TPO: variants seen among roughly 807,000 people sequenced by gnomAD.
TPO encodes thyroid peroxidase.
TPO carries 78 observed loss-of-function variants against 96.9 expected under a neutral mutation model. The ratio of observed to expected loss-of-function variants is 0.81; its 90% CI spans 0.67 to 0.97. The LOEUF is 0.97. Ranked by LOEUF, TPO falls within the 50% of genes least tolerant of loss-of-function variation. The pLI is 0.00. For synonymous variants in TPO, 547 were observed against 538.0 expected, an observed-to-expected ratio of 1.02 and a Z score of -0.23; for missense variants, 1,252 against 1,274.8, an observed-to-expected ratio of 0.98 and a Z score of 0.27.
At chr2:1,471,938 G>C (rs1669460646) in intron 7 of TPO, among the ~76,000 whole-genome samples, 1 of 149,632 alleles carries the variant, frequency 6.7e-6, no homozygotes, top group African/African-American at 2.5e-5. Context: ...CCCATGATCT[G>C]AAAGTTCATA....
intron 5 of TPO, among the ~76,000 whole-genome samples, chr2:1,439,699 A>T (rs765490654): frequency 2.0e-5 from 3 of 148,314 alleles, no homozygotes; most frequent in South Asian, 2.2e-4. Flanking sequence ...CTGCCCAGAG[A>T]CTCCCCCTCT....
intron 1 of TPO, among the ~76,000 whole-genome samples, chr2:1,377,253 C>T (rs554863476): frequency 6.6e-6 from 1 of 152,310 alleles, no homozygotes; most frequent in East Asian, 1.9e-4. Flanking sequence ...TTCAGCTTGA[C>T]TTACACAGAA....
intron 1 of TPO, among the ~76,000 whole-genome samples, chr2:1,396,445 G>T (rs749833559): frequency 3.3e-5 from 5 of 152,186 alleles, no homozygotes; most frequent in Non-Finnish European, 7.3e-5. Flanking sequence ...AGCTGAGAGG[G>T]TCTCCGTGCA....
At chr2:1,484,939 G>A (rs1670992803) in intron 9 of TPO, 85 bp downstream of exon 9, 13 of 1,573,874 alleles carry the variant, frequency 8.3e-6, no homozygotes, top group Non-Finnish European at 9.5e-6. Context: ...TAAGTTCTAG[G>A]GTACATGTGC....
At chr2:1,523,328 C>T (rs1283347793) in intron 15 of TPO, among the ~76,000 whole-genome samples, 1 of 110,916 alleles carries the variant, frequency 9.0e-6, no homozygotes, top group Non-Finnish European at 1.8e-5. Flanking sequence ...CCCCAAATCC[C>T]CCCACTGTGT....
intron 8 of TPO, among the ~76,000 whole-genome samples, chr2:1,480,824 C>CCCTCCT (rs1280314541): frequency 9.7e-5 from 13 of 133,638 alleles, no homozygotes; most frequent in Admixed American, 2.3e-4. Flanking sequence ...CACACCACGT[C>CCCTCCT]CCTGCTGCTG....
At chr2:1,453,457 TG>T (rs998515331) in intron 5 of TPO, among the ~76,000 whole-genome samples, 1 of 152,006 alleles carries the variant, frequency 6.6e-6, no homozygotes, top group Non-Finnish European at 1.5e-5. Context: ...CCAGACAGCA[TG>T]TGCTGAGCTC....
intron 15 of TPO, among the ~76,000 whole-genome samples, chr2:1,537,064 GCCACTGTGTGCAACCTCACCAAATCCGT>G (rs1455982101): frequency 0.086 from 1,369 of 15,904 alleles, 52 homozygotes; most frequent in South Asian, 0.12. Context: ...CCAAATCCCT[GCCACTGTGTGCAACCTCACCAAATCCGT>G]CCACTGTGTG....
intron 3 of TPO, among the ~76,000 whole-genome samples, chr2:1,429,126 C>G (rs1425064178): frequency 6.6e-6 from 1 of 152,070 alleles, no homozygotes; most frequent in Non-Finnish European, 1.5e-5. Flanking sequence ...AGTGATTTGC[C>G]CCATCCCGTT....
chr2:1,476,177 G>A (rs1669918588), intron 7 of TPO, among the ~76,000 whole-genome samples: 2 of 152,164 alleles, frequency 1.3e-5, no homozygotes, highest in South Asian at 4.1e-4. Flanking sequence ...GTCCTATTAC[G>A]AGAAGACCGT....
intron 1 of TPO, among the ~76,000 whole-genome samples, chr2:1,378,933 G>A (rs555333074): frequency 1.6e-4 from 24 of 152,328 alleles, no homozygotes; most frequent in African/African-American, 5.1e-4. Context: ...GAACCCTGGC[G>A]AGGTGCACAC....
intron 1 of TPO, among the ~76,000 whole-genome samples, chr2:1,396,298 T>C (rs56217611): frequency 0.46 from 70,655 of 151,988 alleles, 16,585 homozygotes; most frequent in Admixed American, 0.55. Flanking sequence ...GCACAGACAC[T>C]AGACCAAGAG....
At chr2:1,504,130 A>C (rs776143226) in intron 14 of TPO, 51 bp downstream of exon 14, 1 of 1,610,584 alleles carries the variant, frequency 6.2e-7, no homozygotes, top group African/African-American at 1.3e-5. Flanking sequence ...GTTTTTGTAA[A>C]ATGAAGAAAA....
At chr2:1,391,143 C>A (rs1249451757) in intron 1 of TPO, among the ~76,000 whole-genome samples, 3 of 152,168 alleles carry the variant, frequency 2.0e-5, no homozygotes, top group Non-Finnish European at 2.9e-5. Flanking sequence ...AGGTTTTCTT[C>A]TAGATTTTCT....
intron 7 of TPO, among the ~76,000 whole-genome samples, chr2:1,461,883 G>T (rs1219216761): frequency 6.6e-6 from 1 of 152,178 alleles, no homozygotes; most frequent in African/African-American, 2.4e-5. Context: ...CGAGGAGCAG[G>T]ATACTGTGAT....
At chr2:1,531,046 C>A (rs1324428375) in intron 15 of TPO, among the ~76,000 whole-genome samples, 6 of 98,176 alleles carry the variant, frequency 6.1e-5, no homozygotes, top group African/African-American at 1.3e-4. Context: ...TGCAACCCCC[C>A]CAAATACCCC....
intron 14 of TPO, among the ~76,000 whole-genome samples, chr2:1,509,954 C>T (rs1673921600): frequency 1.3e-5 from 2 of 151,938 alleles, no homozygotes; most frequent in Non-Finnish European, 2.9e-5. Flanking sequence ...CCTCTTCTTT[C>T]AGGCACAGGA....
intron 3 of TPO, among the ~76,000 whole-genome samples, chr2:1,425,129 G>C (rs1664208530): frequency 6.6e-6 from 1 of 150,714 alleles, no homozygotes; most frequent in African/African-American, 2.4e-5. Context: ...TGCAGTCATT[G>C]TTCTAGATGC....
chr2:1,380,191 A>AG (rs1558241261), intron 1 of TPO, among the ~76,000 whole-genome samples: 6 of 152,074 alleles, frequency 3.9e-5, no homozygotes, highest in Admixed American at 3.9e-4. Context: ...TCAGGAGATC[A>AG]AGACCATCCT....
Sources: allele counts gnomAD v4.1 joint callset (sites outside exome capture counted in the v4.1 genomes callset), GRCh38; gene constraint gnomAD v4.1.1; transcripts MANE v1.5; gene names NCBI Gene and HGNC (gene_info 2026-07-23, HGNC 2026-07-21).